ARHGAP24: variants seen among roughly 807,000 people sequenced by gnomAD.
ARHGAP24 encodes Rho GTPase activating protein 24.
Under a neutral mutation model 76.4 loss-of-function variants are expected in ARHGAP24, and 50 were observed. The ratio of observed to expected loss-of-function variants is 0.65; its 90% CI spans 0.52 to 0.83. The LOEUF (loss-of-function observed/expected upper bound fraction) is 0.83. Among genes scored for constraint, ARHGAP24 ranks in the 40% least tolerant of loss-of-function variants. ARHGAP24 has a pLI of 0.00. For missense variants in ARHGAP24, 930 were observed against 914.2 expected, an observed-to-expected ratio of 1.02 and a Z score of -0.22; for synonymous variants, 345 against 323.3, an observed-to-expected ratio of 1.07 and a Z score of -0.72.
chr4:85,977,807 C>T (rs917128938), intron 8 of ARHGAP24, 116 bp downstream of exon 8: 8 of 1,215,930 alleles, frequency 6.6e-6, no homozygotes, highest in South Asian at 2.6e-5. Flanking sequence ...ATGGCAACTC[C>T]GTTTATTAAC....
intron 8 of ARHGAP24, among the ~76,000 whole-genome samples, chr4:85,983,567 C>T (rs919288560): frequency 2.0e-5 from 3 of 152,192 alleles, no homozygotes; most frequent in African/African-American, 4.8e-5. Context: ...CATGAACAGA[C>T]GCTTCTCAAA....
At chr4:85,907,986 A>G (rs1734864853) in intron 3 of ARHGAP24, among the ~76,000 whole-genome samples, 3 of 152,294 alleles carry the variant, frequency 2.0e-5, no homozygotes, top group Admixed American at 2.0e-4. Context: ...CGGAGCTTGG[A>G]TGTAAGCTGG....
intron 8 of ARHGAP24, among the ~76,000 whole-genome samples, chr4:85,993,526 A>G (rs1015155240): frequency 6.6e-6 from 1 of 152,176 alleles, no homozygotes; most frequent in Non-Finnish European, 1.5e-5. Flanking sequence ...TATATTTCCC[A>G]GGTGTCACCG....
At chr4:85,477,828 G>T (rs1722660166) in intron 1 of ARHGAP24, among the ~76,000 whole-genome samples, 1 of 152,210 alleles carries the variant, frequency 6.6e-6, no homozygotes, top group Admixed American at 6.5e-5. Flanking sequence ...CGGTGCTACT[G>T]TACAGTTCAG....
intron 3 of ARHGAP24, among the ~76,000 whole-genome samples, chr4:85,843,056 G>C (rs557517621): frequency 6.6e-6 from 1 of 152,126 alleles, no homozygotes; most frequent in Non-Finnish European, 1.5e-5. Flanking sequence ...GGAGTTAGCA[G>C]TAAAAACTGA....
At chr4:85,596,584 G>A (rs1282557372) in intron 2 of ARHGAP24, among the ~76,000 whole-genome samples, 1 of 151,812 alleles carries the variant, frequency 6.6e-6, no homozygotes, top group African/African-American at 2.4e-5. Context: ...TTAAAATCCT[G>A]TATGTGTTTT....
intron 1 of ARHGAP24, among the ~76,000 whole-genome samples, chr4:85,511,854 C>T (rs1724300018): frequency 6.6e-6 from 1 of 152,180 alleles, no homozygotes; most frequent in Admixed American, 6.5e-5. Context: ...GTGGGGGAAT[C>T]CTTCCTTTCC....
At chr4:85,981,633 A>G (rs1430954247) in intron 8 of ARHGAP24, among the ~76,000 whole-genome samples, 2 of 151,914 alleles carry the variant, frequency 1.3e-5, no homozygotes, top group Non-Finnish European at 2.9e-5. Context: ...TCCTGGCTTT[A>G]TTGCCTTGTT....
intron 2 of ARHGAP24, among the ~76,000 whole-genome samples, chr4:85,664,819 A>T (rs1311810992): frequency 2.0e-5 from 3 of 152,116 alleles, no homozygotes; most frequent in Non-Finnish European, 4.4e-5. Context: ...GTAGCTGAGC[A>T]GTTTTGAGTG....
chr4:85,825,047 G>A (rs990299638), intron 3 of ARHGAP24, among the ~76,000 whole-genome samples: 9 of 151,992 alleles, frequency 5.9e-5, no homozygotes, highest in African/African-American at 2.2e-4. Flanking sequence ...CCAAGATCAT[G>A]CCACTGCACT....
chr4:85,929,260 C>A (rs1397034335), intron 4 of ARHGAP24, among the ~76,000 whole-genome samples: 1 of 152,118 alleles, frequency 6.6e-6, no homozygotes, highest in African/African-American at 2.4e-5. Context: ...ACCATTTGAA[C>A]CACAGGGCAG....
intron 5 of ARHGAP24, among the ~76,000 whole-genome samples, chr4:85,943,508 G>A (rs1027170371): frequency 2.6e-5 from 4 of 151,962 alleles, no homozygotes; most frequent in Admixed American, 2.6e-4. Context: ...TGAGCAGAAC[G>A]TGCAGGTTTG....
chr4:85,924,258 G>T (rs1309830368), intron 4 of ARHGAP24, among the ~76,000 whole-genome samples: 4 of 152,092 alleles, frequency 2.6e-5, no homozygotes, highest in Non-Finnish European at 5.9e-5. Context: ...TGGTAAATTT[G>T]AAAGTAAGTT....
chr4:85,957,975 C>T (rs1276982246), intron 5 of ARHGAP24, among the ~76,000 whole-genome samples: 1 of 152,170 alleles, frequency 6.6e-6, no homozygotes, highest in Non-Finnish European at 1.5e-5. Context: ...AGAATTTTGG[C>T]TCACTTCCAC....
At chr4:85,506,018 C>G (rs1404229028) in intron 1 of ARHGAP24, among the ~76,000 whole-genome samples, 3 of 152,136 alleles carry the variant, frequency 2.0e-5, no homozygotes, top group Non-Finnish European at 4.4e-5. Context: ...TGGAGGTCCA[C>G]TCCAGACCCT....
At chr4:85,529,904 A>T (rs995644150) in intron 1 of ARHGAP24, among the ~76,000 whole-genome samples, 33 of 144,844 alleles carry the variant, frequency 2.3e-4, no homozygotes, top group African/African-American at 6.3e-4. Context: ...GTACTATTTT[A>T]AAAAAAACTC....
At chr4:85,651,968 TTCTC>T (rs1419920857) in intron 2 of ARHGAP24, among the ~76,000 whole-genome samples, 3 of 152,168 alleles carry the variant, frequency 2.0e-5, no homozygotes, top group Admixed American at 6.6e-5. Flanking sequence ...TTTAAAGTCT[TTCTC>T]AGAAAATTCA....
chr4:85,830,632 GT>G (rs1305422262), intron 3 of ARHGAP24, among the ~76,000 whole-genome samples: 16 of 152,302 alleles, frequency 1.1e-4, no homozygotes, highest in African/African-American at 3.6e-4. Context: ...TCCCAAAGCA[GT>G]ATAGATTCAG....
chr4:85,827,480 G>A lies in ARHGAP24; in HGVS notation c.269-96168G>A, dbSNP rs1729776903. Among the ~76,000 whole-genome samples the A allele has an allele frequency of 2.0e-5, 3 of 148,700 alleles. No homozygotes were observed. In the South Asian group the frequency reaches 6.4e-4, roughly 32 times the overall value. On this transcript the variant is annotated intron_variant, in intron 3 of 9. Transcript: ENST00000395184. Reference sequence around the variant, plus strand: ...TCTGCCCGTGTGTGTGTGTGTGTGTGTGTGTGTGTGTGTGTGTGTGTGTGT... The same window carrying A: ...TCTGCCCGTGTGTGTGTGTGTGTGTATGTGTGTGTGTGTGTGTGTGTGTGT...
Sources: allele counts gnomAD v4.1 joint callset (sites outside exome capture counted in the v4.1 genomes callset), GRCh38; gene constraint gnomAD v4.1.1; transcripts MANE v1.5; gene names NCBI Gene and HGNC (gene_info 2026-07-23, HGNC 2026-07-21).